ADAM10: variants seen among roughly 807,000 people sequenced by gnomAD.
The protein encoded by ADAM10 is ADAM metallopeptidase domain 10.
In ADAM10, 17 loss-of-function variants were observed where a neutral mutation model predicts 90.1. The observed-to-expected ratio is 0.19, with a 90% CI of 0.13 to 0.28. The LOEUF (loss-of-function observed/expected upper bound fraction) is 0.28. Among genes scored for constraint, ADAM10 ranks in the 10% least tolerant of loss-of-function variants. The pLI, the probability that ADAM10 is intolerant of heterozygous loss-of-function variation, is 1.00. For missense variants in ADAM10, 610 were observed against 914.3 expected, an observed-to-expected ratio of 0.67 and a Z score of 4.29; for synonymous variants, 310 against 298.6, an observed-to-expected ratio of 1.04 and a Z score of -0.40.
At chr15:58,638,614 C>CAAAAAAAA (rs60048171) in intron 8 of ADAM10, among the ~76,000 whole-genome samples, 6 of 78,192 alleles carry the variant, frequency 7.7e-5, no homozygotes, top group East Asian at 3.2e-4. Flanking sequence ...CACTCTGTCT[C>CAAAAAAAA]AAAAAAAAAA....
chr15:58,597,142 G>T lies in ADAM10; in HGVS notation c.*405C>A. On this transcript the variant is annotated 3_prime_UTR_variant, in exon 16 of 16. Coordinates refer to ENST00000260408, the MANE Select transcript of ADAM10 (RefSeq NM_001110.4). ...CAAGTGATGTCTCCAATGTTGAGGTGGTCGAGCCTCCTAGCCTTGATTGGC... is the reference window on the plus strand; with the variant it reads ...CAAGTGATGTCTCCAATGTTGAGGTTGTCGAGCCTCCTAGCCTTGATTGGC... 4.5e-6 allele frequency: 2 copies of T among 443,914 alleles called. No homozygotes were observed. The highest frequency in any genetic ancestry group is 4.1e-6 in the Non-Finnish European group (1 of 243,874). 27.5% of individuals were successfully genotyped at this position (443,914 alleles called of 1,614,324 possible).
intron 2 of ADAM10, among the ~76,000 whole-genome samples, chr15:58,714,533 G>C (rs1898591797): frequency 6.6e-6 from 1 of 151,956 alleles, no homozygotes; most frequent in African/African-American, 2.4e-5. Context: ...TTTAAAGGGT[G>C]AAATACAGAA....
intron 15 of ADAM10, 87 bp from the exon 16 acceptor site, chr15:58,597,728 G>A: frequency 6.7e-7 from 1 of 1,489,096 alleles, no homozygotes; most frequent in African/African-American, 1.4e-5. Flanking sequence ...CAATAAGAAA[G>A]GTTTTAGTTC....
intron 4 of ADAM10, among the ~76,000 whole-genome samples, chr15:58,671,687 A>G (rs1175322393): frequency 6.6e-6 from 1 of 152,222 alleles, no homozygotes; most frequent in Non-Finnish European, 1.5e-5. Flanking sequence ...CAGCCTGGCA[A>G]CACAGTGAGA....
At position 58,638,614 on chromosome 15, in the gene ADAM10, C is replaced by CA. The variant is rs60048171; in HGVS notation, c.1012+2162dup. Among the ~76,000 whole-genome samples the CA allele has an allele frequency of 7.1e-3, 552 of 77,892 alleles. 7 individuals carry two copies. Among genetic ancestry groups the CA allele is most frequent in the South Asian group, 0.013 (34 of 2,530 alleles). The allele number at this position is 77,892 out of a possible 152,430, so 51.1% of individuals were successfully genotyped here. ...TGGGTGACAGAGCAACACTCTGTCTCAAAAAAAAAAAAAAAAAAAAAGAAA... is the reference window on the plus strand; with the variant it reads ...TGGGTGACAGAGCAACACTCTGTCTCAAAAAAAAAAAAAAAAAAAAAAGAAA... On this transcript the variant is annotated intron_variant, in intron 8 of 15. Transcript: ENST00000260408.
At chr15:58,630,671 G>C (rs1896076863) in intron 9 of ADAM10, among the ~76,000 whole-genome samples, 1 of 152,074 alleles carries the variant, frequency 6.6e-6, no homozygotes, top group Non-Finnish European at 1.5e-5. Flanking sequence ...TTTCAGATAG[G>C]ATAAATACAT....
intron 14 of ADAM10, among the ~76,000 whole-genome samples, chr15:58,600,348 A>T (rs529648432): frequency 6.6e-6 from 1 of 152,328 alleles, no homozygotes; most frequent in Non-Finnish European, 1.5e-5. Flanking sequence ...ATTACTCTTT[A>T]ACCTACATTG....
chr15:58,676,482 C>A (rs1196839673), intron 4 of ADAM10, among the ~76,000 whole-genome samples: 6 of 152,048 alleles, frequency 3.9e-5, no homozygotes, highest in African/African-American at 1.5e-4. Flanking sequence ...TTTAAAGAAC[C>A]AATTAAAGTA....
At chr15:58,702,370 A>G (rs1449793742) in intron 2 of ADAM10, among the ~76,000 whole-genome samples, 1 of 152,210 alleles carries the variant, frequency 6.6e-6, no homozygotes, top group Non-Finnish European at 1.5e-5. Context: ...GATCGAAGTA[A>G]AAAGTGCAAA....
chr15:58,666,693 A>G (rs528185007), intron 4 of ADAM10, among the ~76,000 whole-genome samples: 1 of 152,156 alleles, frequency 6.6e-6, no homozygotes, highest in Non-Finnish European at 1.5e-5. Context: ...TTTATTTAGT[A>G]CATTGTTACT....
At chr15:58,645,534 G>A (rs749531636) in intron 6 of ADAM10, among the ~76,000 whole-genome samples, 1 of 152,032 alleles carries the variant, frequency 6.6e-6, no homozygotes, top group South Asian at 2.1e-4. Context: ...TATACTAGTC[G>A]TACCTCCATC....
At chr15:58,607,126 G>C (rs1047270638) in intron 14 of ADAM10, among the ~76,000 whole-genome samples, 1 of 152,190 alleles carries the variant, frequency 6.6e-6, no homozygotes, top group East Asian at 1.9e-4. Flanking sequence ...AAATAGGCAC[G>C]GGCTGGATTT....
intron 4 of ADAM10, among the ~76,000 whole-genome samples, chr15:58,670,210 AAT>A (rs1156670347): frequency 6.6e-6 from 1 of 152,052 alleles, no homozygotes; most frequent in African/African-American, 2.4e-5. Flanking sequence ...AAAAAAAAAA[AAT>A]AGGAGACATT....
At chr15:58,676,360 T>C (rs1295034101) in intron 4 of ADAM10, 1 of 453,488 alleles carries the variant, frequency 2.2e-6, no homozygotes, top group Non-Finnish European at 4.4e-6. Flanking sequence ...AATTCAATAA[T>C]GCAAGTAAAG....
chr15:58,692,867 CA>C (rs757561050), intron 2 of ADAM10: 32 of 674,436 alleles, frequency 4.7e-5, no homozygotes, highest in Admixed American at 4.5e-4. Flanking sequence ...ATAAATGCTT[CA>C]GTACCAGACT....
At chr15:58,670,789 C>G (rs1169511660) in intron 4 of ADAM10, among the ~76,000 whole-genome samples, 13 of 151,948 alleles carry the variant, frequency 8.6e-5, no homozygotes, top group Non-Finnish European at 4.4e-5. Flanking sequence ...TAGTCATTTC[C>G]CAATCAGCAC....
rs1398820956 is a variant in ADAM10 at position 58,595,870 on chromosome 15, ATATCTACC to A, written c.*1669_*1676del. The A allele has an allele frequency of 6.6e-6, 1 of 152,168 alleles. No homozygotes were observed. Among genetic ancestry groups the A allele is most frequent in the Non-Finnish European group, 1.5e-5 (1 of 67,988 alleles). 9.4% of individuals were successfully genotyped at this position (152,168 alleles called of 1,614,324 possible). A position where few individuals can be genotyped will look rare whatever the true frequency, so the allele number is the denominator to read the frequency against. ...AAATGATTTAAAAGCAATTACATAC[ATATCTACC>A]TACTTGTTTGTTTAGAATTATTTAT... is the stretch of plus-strand genomic sequence containing the variant. On this transcript the variant is annotated 3_prime_UTR_variant, in exon 16 of 16. Transcript: ENST00000260408.
intron 1 of ADAM10, among the ~76,000 whole-genome samples, chr15:58,733,744 T>C (rs894138773): frequency 1.3e-5 from 2 of 152,044 alleles, no homozygotes; most frequent in Non-Finnish European, 2.9e-5. Flanking sequence ...CTTTTATTGG[T>C]TCTGCTTTGC....
chr15:58,724,759 A>G (rs1160188433), intron 1 of ADAM10, among the ~76,000 whole-genome samples: 1 of 152,226 alleles, frequency 6.6e-6, no homozygotes. Flanking sequence ...CCACCAGTAG[A>G]AGGAAGCAAA....
Sources: gnomAD v4.1 joint callset for allele counts (sites outside exome capture counted in the v4.1 genomes callset) on GRCh38, gnomAD v4.1.1 for gene constraint, MANE v1.5 for transcripts, NCBI Gene and HGNC (gene_info 2026-07-23, HGNC 2026-07-21) for gene names.